The following PCED1B variants were observed in gnomAD, a reference collection of about 807,000 sequenced individuals.
PCED1B encodes PC-esterase domain-containing protein 1B.
For missense variants in PCED1B, 573 were observed against 573.9 expected (o/e 1.00, Z 0.02); for synonymous variants, 251 against 246.1 (o/e 1.02, Z -0.19).
At chr12:47,175,753 G>A (rs1941903138) in intron 2 of PCED1B, among the ~76,000 whole-genome samples, 2 of 151,748 alleles carry the variant, frequency 1.3e-5, no homozygotes, top group Admixed American at 1.3e-4. Context: ...TTGTATATTA[G>A]TAGAGATAGG....
intron 2 of PCED1B, among the ~76,000 whole-genome samples, chr12:47,134,646 G>A (rs1940274202): frequency 6.6e-6 from 1 of 152,150 alleles, no homozygotes; most frequent in Non-Finnish European, 1.5e-5. Flanking sequence ...GAGGAAGGCG[G>A]ATCACGAGGT....
chr12:47,082,680 A>G (rs556966295), intron 1 of PCED1B, among the ~76,000 whole-genome samples: 11 of 152,204 alleles, frequency 7.2e-5, no homozygotes, highest in Non-Finnish European at 1.3e-4. Flanking sequence ...GCCCTGTGAC[A>G]TTATATAATC....
At chr12:47,108,008 T>G (rs115394032) in intron 2 of PCED1B, among the ~76,000 whole-genome samples, 1,671 of 152,158 alleles carry the variant, frequency 0.011, 42 homozygotes, top group African/African-American at 0.039. Flanking sequence ...ATTGTTGGAG[T>G]ACAAAATGAC....
chr12:47,136,808 G>A (rs185671723), intron 2 of PCED1B, among the ~76,000 whole-genome samples: 7 of 151,986 alleles, frequency 4.6e-5, no homozygotes, highest in Non-Finnish European at 8.8e-5. Context: ...AAGTATAAAC[G>A]ATATCTACAT....
chr12:47,191,808 T>TG, intron 2 of PCED1B, among the ~76,000 whole-genome samples: 1 of 136,442 alleles, frequency 7.3e-6, no homozygotes, highest in South Asian at 2.2e-4. Context: ...TGTTGTGTTG[T>TG]GCTTTTTTTT....
At chr12:47,171,289 A>G (rs1941725611) in intron 2 of PCED1B, among the ~76,000 whole-genome samples, 1 of 151,570 alleles carries the variant, frequency 6.6e-6, no homozygotes, top group Admixed American at 6.6e-5. Flanking sequence ...CTGGTCTAGA[A>G]CTCCAGACCT....
At chr12:47,229,336 C>A (rs1023127593) in intron 3 of PCED1B, among the ~76,000 whole-genome samples, 7 of 151,786 alleles carry the variant, frequency 4.6e-5, no homozygotes, top group Non-Finnish European at 1.0e-4. Flanking sequence ...ATCGCTTGAA[C>A]CCAAGAGGCA....
intron 2 of PCED1B, among the ~76,000 whole-genome samples, chr12:47,120,084 G>T (rs796783882): frequency 1.3e-4 from 20 of 152,230 alleles, no homozygotes; most frequent in African/African-American, 4.6e-4. Context: ...TACATGAAAA[G>T]ATGCTCAACG....
chr12:47,211,147 T>C (rs185942718), intron 2 of PCED1B, among the ~76,000 whole-genome samples: 1 of 152,278 alleles, frequency 6.6e-6, no homozygotes, highest in African/African-American at 2.4e-5. Context: ...ACTCCCAACA[T>C]TGAATTCTAG....
At chr12:47,090,371 A>G (rs561035071) in intron 1 of PCED1B, among the ~76,000 whole-genome samples, 9 of 152,296 alleles carry the variant, frequency 5.9e-5, no homozygotes, top group African/African-American at 2.2e-4. Flanking sequence ...GCCTCAATAA[A>G]ATCAATATAA....
intron 2 of PCED1B, among the ~76,000 whole-genome samples, chr12:47,151,681 A>T (rs1940997271): frequency 6.6e-6 from 1 of 152,238 alleles, no homozygotes; most frequent in Non-Finnish European, 1.5e-5. Context: ...TGTAAATTCC[A>T]GTCTAAATTC....
intron 2 of PCED1B, among the ~76,000 whole-genome samples, chr12:47,203,517 A>G (rs1054960838): frequency 2.6e-5 from 4 of 152,022 alleles, no homozygotes; most frequent in African/African-American, 9.7e-5. Flanking sequence ...CTTGGTGTCC[A>G]TGTGTTCTTA....
At chr12:47,171,679 T>C (rs2137553937) in intron 2 of PCED1B, among the ~76,000 whole-genome samples, 1 of 152,326 alleles carries the variant, frequency 6.6e-6, no homozygotes, top group Non-Finnish European at 1.5e-5. Context: ...AGAAAGATAA[T>C]ATCTTGCCTC....
At chr12:47,091,953 A>G (rs965021127) in intron 1 of PCED1B, among the ~76,000 whole-genome samples, 4 of 152,090 alleles carry the variant, frequency 2.6e-5, no homozygotes, top group Admixed American at 1.3e-4. Flanking sequence ...CTTTATAATA[A>G]TAGTTTCTGA....
At chr12:47,218,502 G>T (rs1302470071) in intron 3 of PCED1B, among the ~76,000 whole-genome samples, 1 of 152,154 alleles carries the variant, frequency 6.6e-6, no homozygotes, top group African/African-American at 2.4e-5. Flanking sequence ...AGCCAAGGCA[G>T]AGACAGTGTC....
intron 2 of PCED1B, among the ~76,000 whole-genome samples, chr12:47,119,353 A>C (rs1463054500): frequency 6.6e-6 from 1 of 152,166 alleles, no homozygotes; most frequent in African/African-American, 2.4e-5. Context: ...TAGGTATGAC[A>C]ACAAGCAACA....
At chr12:47,189,797 C>T (rs1419721039) in intron 2 of PCED1B, among the ~76,000 whole-genome samples, 4 of 152,224 alleles carry the variant, frequency 2.6e-5, no homozygotes, top group Non-Finnish European at 4.4e-5. Context: ...TCACCAGCTT[C>T]GCATTTTCAC....
intron 2 of PCED1B, among the ~76,000 whole-genome samples, chr12:47,112,066 T>C (rs1240429858): frequency 6.6e-6 from 1 of 152,164 alleles, no homozygotes; most frequent in African/African-American, 2.4e-5. Context: ...GCGAGCTCTG[T>C]GCTTGATTAT....
chr12:47,185,522 C>T (rs1010886013), intron 2 of PCED1B, among the ~76,000 whole-genome samples: 4 of 152,192 alleles, frequency 2.6e-5, no homozygotes, highest in African/African-American at 9.7e-5. Context: ...GGCACGGTGG[C>T]TCACACCTGT....
Sources: gnomAD v4.1 joint callset for allele counts (sites outside exome capture counted in the v4.1 genomes callset) on GRCh38, gnomAD v4.1.1 for gene constraint, MANE v1.5 for transcripts, NCBI Gene and HGNC (gene_info 2026-07-23, HGNC 2026-07-21) for gene names.